FUT9: variants seen among roughly 807,000 people sequenced by gnomAD.
FUT9 encodes 4-galactosyl-N-acetylglucosaminide 3-alpha-L-fucosyltransferase 9.
Under a neutral mutation model 29.7 loss-of-function variants are expected in FUT9, and 15 were observed. The ratio of observed to expected loss-of-function variants is 0.51; its 90% CI spans 0.34 to 0.78. The LOEUF is 0.78. Ranked by LOEUF, FUT9 falls within the 30% of genes least tolerant of loss-of-function variation. FUT9 has a pLI of 0.01. For synonymous variants in FUT9, 169 were observed against 153.7 expected (o/e 1.10, Z -0.74); for missense variants, 319 against 425.4 (o/e 0.75, Z 2.20).
rs1412851711 is a variant in FUT9, at chr6:96,211,768, G to A, written c.*7533G>A. 4.6e-6 allele frequency: 1 copy of A among 215,258 alleles called. No homozygotes were observed. Among genetic ancestry groups the A allele is most frequent in the Non-Finnish European group, 9.9e-6 (1 of 100,908 alleles). The allele number at this position is 215,258 out of a possible 1,614,324, so 13.3% of individuals were successfully genotyped here. The stretch of plus-strand genomic sequence containing the variant: ...AATTTCTATTTTTCTATATGAAAAA[G>A]AGAATGATATTCAAAATAGTATTTT... On this transcript the variant is annotated 3_prime_UTR_variant, in exon 3 of 3. Coordinates refer to ENST00000302103, the MANE Select transcript of FUT9 (RefSeq NM_006581.4).
At chr6:96,128,524 T>C (rs1772173731) in intron 2 of FUT9, among the ~76,000 whole-genome samples, 1 of 152,168 alleles carries the variant, frequency 6.6e-6, no homozygotes, top group African/African-American at 2.4e-5. Context: ...GTGAAGCAAG[T>C]TGGACCCTTT....
rs766754177 is a variant in FUT9, at chr6:96,063,466, G to A, written c.-98+47254G>A. ...CAATCAGATCTCATGTGAACTCAGA[G>A]TGAAAGCTCGGTTATTACCAAGGGA... On this transcript the variant is annotated intron_variant, in intron 1 of 2. Transcript: ENST00000302103. Among the ~76,000 whole-genome samples the A allele has an allele frequency of 7.9e-5, 12 of 152,186 alleles. No homozygotes were observed. The South Asian group carries it at 2.5e-3, about 32-fold the overall frequency.
In FUT9 at chr6:96,202,289, T is replaced by G. The variant is rs1035635634; in HGVS notation, c.-8-859T>G. Among the ~76,000 whole-genome samples the G allele has an allele frequency of 2.0e-5, 3 of 152,162 alleles. No individual in the cohort carries two copies. The East Asian group carries it at 5.8e-4, about 29-fold the overall frequency. ...TTCATGACATCAAAGTTGTTCTTCATGAAATATAGCCCTTTTTTGAGAATT... is the reference window on the plus strand; with the variant it reads ...TTCATGACATCAAAGTTGTTCTTCAGGAAATATAGCCCTTTTTTGAGAATT... On this transcript the variant is annotated intron_variant, in intron 2 of 2. Coordinates refer to ENST00000302103, the MANE Select transcript of FUT9 (RefSeq NM_006581.4).
intron 1 of FUT9, among the ~76,000 whole-genome samples, chr6:96,062,707 T>C (rs1173092124): frequency 1.3e-5 from 2 of 152,182 alleles, no homozygotes; most frequent in South Asian, 2.1e-4. Flanking sequence ...TTCTTCTTTA[T>C]ACCTTTTTGT....
intron 2 of FUT9, among the ~76,000 whole-genome samples, chr6:96,202,756 T>C (rs1361775559): frequency 2.0e-5 from 3 of 152,214 alleles, no homozygotes; most frequent in African/African-American, 7.2e-5. Flanking sequence ...TAAGTGATTA[T>C]ATCAACTGGG....
At chr6:96,145,542 G>C (rs1772550318) in intron 2 of FUT9, among the ~76,000 whole-genome samples, 1 of 152,118 alleles carries the variant, frequency 6.6e-6, no homozygotes, top group South Asian at 2.1e-4. Context: ...ATAGTGTGTT[G>C]GATAGTAATG....
intron 1 of FUT9, among the ~76,000 whole-genome samples, chr6:96,088,338 T>C (rs1036546780): frequency 1.3e-5 from 2 of 152,124 alleles, no homozygotes; most frequent in African/African-American, 4.8e-5. Flanking sequence ...AGTTTCCTAA[T>C]GCTTCTTGTG....
chr6:96,023,858 T>G (rs983578536), intron 1 of FUT9, among the ~76,000 whole-genome samples: 1 of 151,886 alleles, frequency 6.6e-6, no homozygotes, highest in African/African-American at 2.4e-5. Flanking sequence ...CTTTTTCTTC[T>G]TATTGTTTTT....
chr6:96,088,094 C>T (rs893641640), intron 1 of FUT9, among the ~76,000 whole-genome samples: 2 of 151,232 alleles, frequency 1.3e-5, no homozygotes, highest in African/African-American at 2.4e-5. Context: ...TCCTATATTA[C>T]ATAATATGTC....
rs549421586 is a variant in FUT9 at position 96,128,887 on chromosome 6, G to A, written c.-9+14760G>A. 4.1e-4 allele frequency among the ~76,000 whole-genome samples: 63 copies of A among 152,140 alleles called. 1 individual carries two copies. Among genetic ancestry groups the A allele is most frequent in the African/African-American group, 1.5e-3 (63 of 41,518 alleles). On this transcript the variant is annotated intron_variant, in intron 2 of 2. Coordinates refer to ENST00000302103, the MANE Select transcript of FUT9 (RefSeq NM_006581.4). ...CACCTGTAATACCAGCACTTTGAAA[G>A]GCTGAGTAGGAAGGATCTCTTGAGC...
chr6:96,084,016 G>A (rs1771279497), intron 1 of FUT9, among the ~76,000 whole-genome samples: 1 of 151,974 alleles, frequency 6.6e-6, no homozygotes, highest in Admixed American at 6.6e-5. Flanking sequence ...CCCTGAGTTA[G>A]GTCTTAACCT....
intron 2 of FUT9, among the ~76,000 whole-genome samples, chr6:96,190,659 A>T (rs1332108180): frequency 6.6e-6 from 1 of 151,814 alleles, no homozygotes; most frequent in Admixed American, 6.6e-5. Context: ...CATTCATTTG[A>T]TCTTCAATCA....
chr6:96,124,107 A>C (rs1298539458), intron 2 of FUT9, among the ~76,000 whole-genome samples: 2 of 151,444 alleles, frequency 1.3e-5, no homozygotes, highest in African/African-American at 4.9e-5. Context: ...ATGTCTGCTT[A>C]TTAAACATTT....
chr6:96,104,416 G>C (rs1771640697), intron 1 of FUT9, among the ~76,000 whole-genome samples: 1 of 152,168 alleles, frequency 6.6e-6, no homozygotes, highest in African/African-American at 2.4e-5. Context: ...GATGAATTTA[G>C]ATCTGCATAT....
At chr6:96,113,626 C>A (rs1160871018) in intron 1 of FUT9, among the ~76,000 whole-genome samples, 1 of 151,504 alleles carries the variant, frequency 6.6e-6, no homozygotes, top group East Asian at 2.0e-4. Flanking sequence ...GAGGCCGAGG[C>A]GGGCGGATCA....
chr6:96,087,349 AT>A (rs1443790540), intron 1 of FUT9, among the ~76,000 whole-genome samples: 6 of 143,106 alleles, frequency 4.2e-5, no homozygotes, highest in African/African-American at 1.3e-4. Context: ...GTAGGTTTAT[AT>A]TTTCCCCACA....
chr6:96,046,115 C>G (rs1732157768), intron 1 of FUT9, among the ~76,000 whole-genome samples: 1 of 151,016 alleles, frequency 6.6e-6, no homozygotes, highest in South Asian at 2.1e-4. Context: ...GTATTCAGAT[C>G]CCTTGATAAG....
intron 2 of FUT9, among the ~76,000 whole-genome samples, chr6:96,177,378 G>A (rs1220529866): frequency 6.6e-6 from 1 of 151,860 alleles, no homozygotes; most frequent in Non-Finnish European, 1.5e-5. Flanking sequence ...AAATAATGTA[G>A]TTACATGTTA....
At chr6:96,031,365 G>A (rs927203168) in intron 1 of FUT9, among the ~76,000 whole-genome samples, 1 of 149,642 alleles carries the variant, frequency 6.7e-6, no homozygotes, top group African/African-American at 2.5e-5. Context: ...AAGAGTTATT[G>A]GGAAAGGATT....
Sources: gnomAD v4.1 joint callset for allele counts (sites outside exome capture counted in the v4.1 genomes callset) on GRCh38, gnomAD v4.1.1 for gene constraint, MANE v1.5 for transcripts, NCBI Gene and HGNC (gene_info 2026-07-23, HGNC 2026-07-21) for gene names.